Variants in GAREM1 observed in about 807,000 individuals in gnomAD.
The protein encoded by GAREM1 is GRB2 associated regulator of MAPK1 subtype 1.
A neutral mutation model predicts 71.3 loss-of-function variants in GAREM1; 26 were observed. The ratio of observed to expected loss-of-function variants is 0.36; its 90% CI spans 0.27 to 0.51. The LOEUF (loss-of-function observed/expected upper bound fraction) is 0.51, where lower values mean the gene tolerates loss of function less well. Among genes scored for constraint, GAREM1 ranks in the 20% least tolerant of loss-of-function variants. The pLI is 0.95. For synonymous variants in GAREM1, 440 were observed against 433.2 expected (o/e 1.02, Z -0.20); for missense variants, 1,026 against 1,103.1 (o/e 0.93, Z 0.99).
chr18:32,340,795 T>C (rs1030139076), intron 2 of GAREM1, among the ~76,000 whole-genome samples: 2 of 152,018 alleles, frequency 1.3e-5, no homozygotes, highest in Admixed American at 1.3e-4. Flanking sequence ...GCCATAAAGT[T>C]AGAAAGTGAG....
intron 2 of GAREM1, among the ~76,000 whole-genome samples, chr18:32,315,483 T>G (rs902997571): frequency 6.8e-6 from 1 of 147,166 alleles, no homozygotes; most frequent in African/African-American, 2.5e-5. Flanking sequence ...TAAAAGTAGA[T>G]ATATATAAAA....
intron 1 of GAREM1, among the ~76,000 whole-genome samples, chr18:32,455,311 A>G (rs973462720): frequency 6.6e-6 from 1 of 152,204 alleles, no homozygotes; most frequent in African/African-American, 2.4e-5. Context: ...ACAAAATGTA[A>G]GGGAAATTTA....
At chr18:32,394,094 A>T (rs1383555278) in intron 1 of GAREM1, among the ~76,000 whole-genome samples, 1 of 152,204 alleles carries the variant, frequency 6.6e-6, no homozygotes, top group African/African-American at 2.4e-5. Flanking sequence ...TTTGTTTCCA[A>T]AACAGTAATG....
At chr18:32,321,505 T>C (rs564041662) in intron 2 of GAREM1, among the ~76,000 whole-genome samples, 9 of 152,332 alleles carry the variant, frequency 5.9e-5, no homozygotes, top group African/African-American at 2.2e-4. Context: ...TACATCAACC[T>C]TTCTCTCTAG....
chr18:32,354,494 G>A (rs1050376521), intron 2 of GAREM1, among the ~76,000 whole-genome samples: 8 of 152,174 alleles, frequency 5.3e-5, no homozygotes, highest in Non-Finnish European at 1.2e-4. Flanking sequence ...ACTCCCAGAT[G>A]AGTGTTTCTT....
chr18:32,397,185 C>A (rs1344310294), intron 1 of GAREM1, among the ~76,000 whole-genome samples: 1 of 152,182 alleles, frequency 6.6e-6, no homozygotes, highest in Non-Finnish European at 1.5e-5. Context: ...CCAGTACCAG[C>A]CACTGCAAAA....
intron 1 of GAREM1, among the ~76,000 whole-genome samples, chr18:32,458,179 G>A (rs951926124): frequency 2.6e-5 from 4 of 152,060 alleles, no homozygotes; most frequent in East Asian, 1.9e-4. Flanking sequence ...TTTTACAAAC[G>A]TGTCCATTTA....
intron 2 of GAREM1, among the ~76,000 whole-genome samples, chr18:32,364,720 G>C (rs1283231293): frequency 6.6e-6 from 1 of 152,180 alleles, no homozygotes; most frequent in African/African-American, 2.4e-5. Flanking sequence ...CTAGCCTGTA[G>C]CATTGATGTA....
intron 1 of GAREM1, among the ~76,000 whole-genome samples, chr18:32,453,051 A>G (rs1443780985): frequency 3.3e-5 from 5 of 152,056 alleles, no homozygotes; most frequent in African/African-American, 1.2e-4. Flanking sequence ...TATAATGAAA[A>G]AGAGGTTTAA....
At chr18:32,286,932 G>T in intron 4 of GAREM1, 99 bp downstream of exon 4, 1 of 863,186 alleles carries the variant, frequency 1.2e-6, no homozygotes, top group Non-Finnish European at 1.9e-6. Context: ...TGCTCACTCT[G>T]CAATCTTCAG....
chr18:32,397,497 G>A (rs2048269098), intron 1 of GAREM1, among the ~76,000 whole-genome samples: 1 of 152,136 alleles, frequency 6.6e-6, no homozygotes, highest in Non-Finnish European at 1.5e-5. Flanking sequence ...GGCAGGGGTT[G>A]CAATCCTAGT....
rs137944229 is a variant in GAREM1 at position 32,334,044 on chromosome 18, C to T, written c.263-23721G>A. Among the ~76,000 whole-genome samples, 85 of 152,298 alleles carry T rather than the reference C, an allele frequency of 5.6e-4. No homozygotes were observed. The East Asian group carries it at 0.012, about 22-fold the overall frequency. ...AGGGATGCTGAGACCATATTGTGCACTGAGCAGTTAGGAACATTGTGACAT... is the reference window on the plus strand; with the variant it reads ...AGGGATGCTGAGACCATATTGTGCATTGAGCAGTTAGGAACATTGTGACAT... On this transcript the variant is annotated intron_variant, in intron 2 of 5. Coordinates refer to ENST00000269209, the MANE Select transcript of GAREM1 (RefSeq NM_001242409.2).
chr18:32,456,999 G>A (rs1026050522), intron 1 of GAREM1, among the ~76,000 whole-genome samples: 3 of 151,992 alleles, frequency 2.0e-5, no homozygotes, highest in African/African-American at 4.8e-5. Flanking sequence ...ATGTAATAGC[G>A]ATGTAGGATT....
At chr18:32,336,173 G>C (rs2047591198) in intron 2 of GAREM1, among the ~76,000 whole-genome samples, 1 of 152,176 alleles carries the variant, frequency 6.6e-6, no homozygotes, top group African/African-American at 2.4e-5. Flanking sequence ...GCTCACACCT[G>C]TAATCCTAGC....
At chr18:32,324,361 G>T (rs577240007) in intron 2 of GAREM1, among the ~76,000 whole-genome samples, 1 of 152,238 alleles carries the variant, frequency 6.6e-6, no homozygotes, top group African/African-American at 2.4e-5. Context: ...TGGCTTATTT[G>T]CTCCCTTTTC....
intron 1 of GAREM1, among the ~76,000 whole-genome samples, chr18:32,404,260 A>G (rs1747263898): frequency 6.6e-6 from 1 of 152,184 alleles, no homozygotes; most frequent in African/African-American, 2.4e-5. Context: ...CCAAATCTCT[A>G]TTAAATGCTT....
chr18:32,400,995 GA>G (rs1297330960), intron 1 of GAREM1, among the ~76,000 whole-genome samples: 1 of 151,896 alleles, frequency 6.6e-6, no homozygotes, highest in Non-Finnish European at 1.5e-5. Context: ...TATGCAGCCA[GA>G]AAAAAAGGAT....
At chr18:32,286,967 T>C (rs2047024588) in intron 4 of GAREM1, 64 bp downstream of exon 4, 10 of 1,205,650 alleles carry the variant, frequency 8.3e-6, no homozygotes, top group Admixed American at 2.1e-5. Flanking sequence ...GAAAATAAAT[T>C]AGTGGATGAC....
chr18:32,364,918 ATGTGTATTATT>A (rs1221400488), intron 2 of GAREM1, among the ~76,000 whole-genome samples: 2 of 152,092 alleles, frequency 1.3e-5, no homozygotes, highest in Admixed American at 6.6e-5. Flanking sequence ...CAAACACTTT[ATGTGTATTATT>A]TCTCCAGACT....
Sources: gnomAD v4.1 joint callset for allele counts (sites outside exome capture counted in the v4.1 genomes callset) on GRCh38, gnomAD v4.1.1 for gene constraint, MANE v1.5 for transcripts, NCBI Gene and HGNC (gene_info 2026-07-23, HGNC 2026-07-21) for gene names.